The following KDM4C variants were observed in gnomAD, a reference collection of about 807,000 sequenced individuals.
KDM4C encodes lysine-specific demethylase 4C.
Under a neutral mutation model 129.3 loss-of-function variants are expected in KDM4C, and 81 were observed. The ratio of observed to expected loss-of-function variants is 0.63; its 90% CI spans 0.52 to 0.75. KDM4C has a LOEUF of 0.75. Among genes scored for constraint, KDM4C ranks in the 30% least tolerant of loss-of-function variants. The pLI is 0.00. For synonymous variants in KDM4C, 573 were observed against 456.1 expected, an observed-to-expected ratio of 1.26 and a Z score of -3.26; for missense variants, 1,457 against 1,304.0, an observed-to-expected ratio of 1.12 and a Z score of -1.81.
chr9:6,732,071 A>T (rs1486091514), intron 1 of KDM4C, among the ~76,000 whole-genome samples: 1 of 152,118 alleles, frequency 6.6e-6, no homozygotes, highest in East Asian at 1.9e-4. Context: ...CAAATAGATC[A>T]AAGAATGAGG....
At position 6,879,442 on chromosome 9, in the gene KDM4C, T is replaced by G. The variant is rs148965374; in HGVS notation, c.630-570T>G. ...AATTATGAAATAAATAAAACTTTTT[T>G]TAAGGCTGATAATCTTTTGCTTATT... On this transcript the variant is annotated intron_variant, in intron 5 of 21. Transcript: ENST00000381309. Among the ~76,000 whole-genome samples, 588 of 152,312 alleles carry G rather than the reference T, an allele frequency of 3.9e-3. 3 individuals carry two copies. Among genetic ancestry groups the G allele is most frequent in the African/African-American group, 0.013 (540 of 41,570 alleles).
chr9:6,898,634 A>T (rs1588995964), intron 8 of KDM4C, among the ~76,000 whole-genome samples: 2 of 152,242 alleles, frequency 1.3e-5, no homozygotes, highest in Non-Finnish European at 2.9e-5. Flanking sequence ...AAGTTTAAAA[A>T]GAGATGATAG....
intron 4 of KDM4C, chr9:6,835,058 C>T: frequency 4.2e-6 from 4 of 960,104 alleles, no homozygotes; most frequent in Non-Finnish European, 6.8e-6. Flanking sequence ...TTCACCACCA[C>T]GGCTGAGTGG....
intron 1 of KDM4C, among the ~76,000 whole-genome samples, chr9:6,732,116 C>T (rs1018217357): frequency 2.6e-5 from 4 of 151,722 alleles, no homozygotes; most frequent in Non-Finnish European, 5.9e-5. Context: ...ATCTGTAATC[C>T]CAGCACTTGG....
intron 1 of KDM4C, among the ~76,000 whole-genome samples, chr9:6,772,136 G>A (rs781723373): frequency 6.6e-5 from 10 of 152,112 alleles, no homozygotes; most frequent in African/African-American, 1.7e-4. Context: ...ATTAATATTC[G>A]TAGGAGAACA....
At chr9:6,979,234 G>A (rs1816332288) in intron 8 of KDM4C, among the ~76,000 whole-genome samples, 1 of 152,070 alleles carries the variant, frequency 6.6e-6, no homozygotes, top group South Asian at 2.1e-4. Flanking sequence ...TTATTCCAAT[G>A]GCAAGATAAT....
chr9:7,080,715 T>A (rs541363243), intron 17 of KDM4C, among the ~76,000 whole-genome samples: 2 of 152,326 alleles, frequency 1.3e-5, no homozygotes, highest in South Asian at 4.1e-4. Flanking sequence ...AGCGCACATA[T>A]AATTATATTC....
intron 2 of KDM4C, among the ~76,000 whole-genome samples, chr9:6,804,732 C>CT (rs1206970391): frequency 1.4e-4 from 21 of 145,836 alleles, no homozygotes; most frequent in Middle Eastern, 3.6e-3. Context: ...GCTCCCCAGC[C>CT]GAGTAACAGA....
intron 19 of KDM4C, among the ~76,000 whole-genome samples, chr9:7,148,486 C>G (rs1286280754): frequency 6.6e-6 from 1 of 152,110 alleles, no homozygotes; most frequent in African/African-American, 2.4e-5. Flanking sequence ...TGTAGTGTTA[C>G]GGCAGCTCTG....
chr9:6,963,473 A>G (rs1046531907), intron 8 of KDM4C, among the ~76,000 whole-genome samples: 17 of 152,206 alleles, frequency 1.1e-4, no homozygotes, highest in Non-Finnish European at 2.1e-4. Flanking sequence ...CGTGCCGCAT[A>G]TTCATGGCAT....
At chr9:6,962,191 A>G (rs12006457) in intron 8 of KDM4C, among the ~76,000 whole-genome samples, 58 of 152,360 alleles carry the variant, frequency 3.8e-4, no homozygotes, top group African/African-American at 1.3e-3. Context: ...ATTTAAATAT[A>G]TCTTGTACTT....
intron 4 of KDM4C, among the ~76,000 whole-genome samples, chr9:6,840,333 GA>G (rs1028312033): frequency 3.9e-5 from 6 of 151,918 alleles, no homozygotes; most frequent in Non-Finnish European, 8.8e-5. Context: ...TTGGCCTCCT[GA>G]AATGCTAGGA....
chr9:7,106,672 A>G (rs1026535600), intron 18 of KDM4C, among the ~76,000 whole-genome samples: 1 of 152,172 alleles, frequency 6.6e-6, no homozygotes, highest in Non-Finnish European at 1.5e-5. Flanking sequence ...TGTAATTAAT[A>G]TATTTTTAAA....
At position 7,141,097 on chromosome 9, in the gene KDM4C, T is replaced by G. The variant is rs911866434; in HGVS notation, c.2781+12861T>G. ...TTCTAAAAGCAGGAGGAAGCCCCCTTGGACTATCTTGAGCAGAAGTCAAAG... is the reference window on the plus strand; with the variant it reads ...TTCTAAAAGCAGGAGGAAGCCCCCTGGGACTATCTTGAGCAGAAGTCAAAG... On this transcript the variant is annotated intron_variant, in intron 19 of 21. Transcript: ENST00000381309. Among the ~76,000 whole-genome samples the G allele has an allele frequency of 7.2e-5, 11 of 152,348 alleles. No homozygotes were observed. The South Asian group carries it at 2.3e-3, about 32-fold the overall frequency.
At chr9:6,771,150 A>G (rs1256969095) in intron 1 of KDM4C, among the ~76,000 whole-genome samples, 2 of 130,678 alleles carry the variant, frequency 1.5e-5, no homozygotes, top group Admixed American at 8.4e-5. Flanking sequence ...CTGGTCTCAA[A>G]CTCCTGAGCT....
At chr9:6,946,569 C>T (rs1342801696) in intron 8 of KDM4C, among the ~76,000 whole-genome samples, 1 of 152,066 alleles carries the variant, frequency 6.6e-6, no homozygotes, top group Non-Finnish European at 1.5e-5. Context: ...TAAATCTCTA[C>T]CAAGTTTCTG....
chr9:7,071,520 A>G (rs1833192286), intron 17 of KDM4C, among the ~76,000 whole-genome samples: 2 of 152,224 alleles, frequency 1.3e-5, no homozygotes, highest in South Asian at 4.1e-4. Context: ...TAAAAGTTCC[A>G]AGGCAATTAG....
Position 7,174,896 on chromosome 9 carries a change from A to C in KDM4C, c.*167A>C. 1.8e-6 allele frequency: 1 copy of C among 566,200 alleles called. No homozygotes were observed. Among genetic ancestry groups the C allele is most frequent in the Non-Finnish European group, 3.2e-6 (1 of 317,172 alleles). The allele number at this position is 566,200 out of a possible 1,614,324, so 35.1% of individuals were successfully genotyped here. On this transcript the variant is annotated 3_prime_UTR_variant, in exon 22 of 22. Coordinates refer to ENST00000381309, the MANE Select transcript of KDM4C (RefSeq NM_015061.6). The stretch of plus-strand genomic sequence containing the variant: ...TTTGGTCACCAAAAATACAAAATAC[A>C]CCCAATGAATTGGACGCAGCAATCT...
chr9:6,944,652 G>GTTTTTTTTTTTTTGTTTTTTTTT (rs1826563501), intron 8 of KDM4C, among the ~76,000 whole-genome samples: 1 of 80,990 alleles, frequency 1.2e-5, no homozygotes, highest in Non-Finnish European at 2.2e-5. Context: ...CAAGGTAGAG[G>GTTTTTTTTTTTTTGTTTTTTTTT]TTTTTTTTTT....
Sources: gnomAD v4.1 joint callset for allele counts (sites outside exome capture counted in the v4.1 genomes callset) on GRCh38, gnomAD v4.1.1 for gene constraint, MANE v1.5 for transcripts, NCBI Gene and HGNC (gene_info 2026-07-23, HGNC 2026-07-21) for gene names.